The following SNX6 variants were observed in gnomAD, a reference collection of about 807,000 sequenced individuals.
SNX6 encodes the protein sorting nexin-6.
In SNX6, 34 loss-of-function variants were observed where a neutral mutation model predicts 63.0. That is an observed-to-expected ratio of 0.54 (90% confidence interval 0.41 to 0.72). SNX6 has a LOEUF of 0.72. SNX6 is among the 30% of genes least tolerant of loss of function. The pLI is 0.00. For missense variants in SNX6, 398 were observed against 471.4 expected (o/e 0.84, Z 1.44); for synonymous variants, 170 against 164.2 (o/e 1.04, Z -0.27).
At chr14:34,579,830 AAAAAAAAAAGAAAG>A (rs1434538584) in intron 10 of SNX6, among the ~76,000 whole-genome samples, 20 of 151,702 alleles carry the variant, frequency 1.3e-4, no homozygotes, top group Admixed American at 1.3e-3. Flanking sequence ...TCTACCAAAA[AAAAAAAAAAGAAAG>A]AAAAATAATA....
At chr14:34,626,249 T>A (rs913821603) in intron 2 of SNX6, among the ~76,000 whole-genome samples, 18 of 152,134 alleles carry the variant, frequency 1.2e-4, no homozygotes, top group African/African-American at 4.3e-4. Flanking sequence ...GCATTCTAAT[T>A]CAGGTTTTTT....
chr14:34,603,159 T>C (rs1882889931), intron 6 of SNX6, among the ~76,000 whole-genome samples, 189 bp downstream of exon 6: 1 of 150,950 alleles, frequency 6.6e-6, no homozygotes, highest in African/African-American at 2.4e-5. Context: ...GCGCCTGTAG[T>C]CCCAGCTACT....
intron 4 of SNX6, 27 bp downstream of exon 4, chr14:34,608,003 G>A (rs759872953): frequency 8.5e-6 from 10 of 1,178,214 alleles, no homozygotes; most frequent in Admixed American, 4.4e-5. Context: ...CTAGAAAATG[G>A]AATTAAAATG....
chr14:34,591,333 A>G (rs1188579861), intron 8 of SNX6, among the ~76,000 whole-genome samples: 1 of 152,190 alleles, frequency 6.6e-6, no homozygotes, highest in East Asian at 1.9e-4. Flanking sequence ...CATTGGTCCA[A>G]TGAATTATGC....
chr14:34,584,844 GTTTTTTC>G (rs1375523758), intron 9 of SNX6, among the ~76,000 whole-genome samples: 3 of 151,596 alleles, frequency 2.0e-5, no homozygotes, highest in Admixed American at 6.6e-5. Context: ...ATCAACCCAA[GTTTTTTC>G]TTTTTTCTTT....
At chr14:34,596,619 A>G (rs1882611209) in intron 7 of SNX6, among the ~76,000 whole-genome samples, 1 of 118,412 alleles carries the variant, frequency 8.4e-6, no homozygotes, top group African/African-American at 2.6e-5. Context: ...ACTCTATCTC[A>G]GGAAAAAAAA....
intron 2 of SNX6, among the ~76,000 whole-genome samples, chr14:34,613,867 G>C (rs1364985604): frequency 6.6e-6 from 1 of 151,924 alleles, no homozygotes; most frequent in Admixed American, 6.6e-5. Context: ...CCAGCACTCT[G>C]GGAGCCCGAG....
At chr14:34,588,032 G>C (rs1368961575) in intron 8 of SNX6, among the ~76,000 whole-genome samples, 1 of 147,616 alleles carries the variant, frequency 6.8e-6, no homozygotes, top group Non-Finnish European at 1.5e-5. Flanking sequence ...TTTTGAGACA[G>C]AGTCTCACTC....
chr14:34,578,425 AG>A (rs1881797002), intron 10 of SNX6, among the ~76,000 whole-genome samples: 1 of 151,760 alleles, frequency 6.6e-6, no homozygotes, highest in African/African-American at 2.4e-5. Flanking sequence ...TGAGGTCAGG[AG>A]TTCGAGGCCA....
At chr14:34,618,062 GTGGAT>G (rs1228742280) in intron 2 of SNX6, among the ~76,000 whole-genome samples, 9 of 152,176 alleles carry the variant, frequency 5.9e-5, no homozygotes, top group Non-Finnish European at 1.2e-4. Flanking sequence ...AGATGGATGA[GTGGAT>G]GGGATGGGGC....
chr14:34,622,004 G>A (rs993483004), intron 2 of SNX6, among the ~76,000 whole-genome samples: 1 of 132,556 alleles, frequency 7.5e-6, no homozygotes, highest in African/African-American at 2.9e-5. Flanking sequence ...TGTCGCCCAG[G>A]CTGGAGTGCA....
chr14:34,610,098 C>T (rs905740927), intron 2 of SNX6, among the ~76,000 whole-genome samples: 1 of 151,450 alleles, frequency 6.6e-6, no homozygotes, highest in Non-Finnish European at 1.5e-5. Flanking sequence ...AATCCCAGCA[C>T]TTTAGGAGGC....
Position 34,574,266 on chromosome 14 carries a change from G to A in SNX6, c.921+1490C>T, listed in dbSNP as rs550955955. On this transcript the variant is annotated intron_variant, in intron 11 of 13. Coordinates refer to ENST00000362031, the MANE Select transcript of SNX6 (RefSeq NM_152233.4). ...CAGGAGAATCACTTGAAGCCGGGAG[G>A]CGGAGGTTGCAGTGAGCTGCAATCA... is the stretch of plus-strand genomic sequence containing the variant. Among the ~76,000 whole-genome samples, 14 of 151,488 alleles carry A rather than the reference G, an allele frequency of 9.2e-5. No individual in the cohort carries two copies. The East Asian group carries it at 2.5e-3, about 28-fold the overall frequency.
Position 34,590,541 on chromosome 14 carries a change from T to C in SNX6, c.718+2504A>G, listed in dbSNP as rs531898505. On this transcript the variant is annotated intron_variant, in intron 8 of 13. Transcript: ENST00000362031. ...CTAAACCACACTGAGTTACCACCAC[T>C]GACCTACTTGAATAAAGTTAAAAAG... is the stretch of plus-strand genomic sequence containing the variant. Among the ~76,000 whole-genome samples, 112 of 151,966 alleles carry C rather than the reference T, an allele frequency of 7.4e-4. 1 individual carries two copies. The highest frequency in any genetic ancestry group is 2.4e-3 in the African/African-American group (101 of 41,432).
intron 2 of SNX6, among the ~76,000 whole-genome samples, chr14:34,626,229 T>C (rs1349102835): frequency 1.3e-5 from 2 of 152,206 alleles, no homozygotes; most frequent in African/African-American, 4.8e-5. Context: ...TCCATCCTGA[T>C]GTTCTAAAAG....
In SNX6 at chr14:34,586,262, A is replaced by G. The variant is rs1349903020; in HGVS notation, c.762T>C (p.Ala254=). Residue 254 remains alanine, a synonymous_variant, in exon 9 of 14, where the codon GCT becomes GCC. Transcript: ENST00000362031. The part of the protein sequence containing the change: ...DYNRIGSSLY[A]LGTQDSTDIC... ...TATCTGTAGAATCCTGAGTTCCTAA[A>G]GCATATAATGAAGAACCAATTCTAT... The G allele has an allele frequency of 4.3e-6, 7 of 1,609,478 alleles. No individual in the cohort carries two copies. Among genetic ancestry groups the G allele is most frequent in the Middle Eastern group, 1.6e-4 (1 of 6,066 alleles).
At chr14:34,565,004 C>T (rs373503098) in intron 13 of SNX6, among the ~76,000 whole-genome samples, 3 of 151,560 alleles carry the variant, frequency 2.0e-5, no homozygotes, top group African/African-American at 7.3e-5. Context: ...AACTTGGCTG[C>T]GTTCCAATAA....
intron 11 of SNX6, 101 bp from the exon 12 acceptor site, chr14:34,568,114 C>A: frequency 3.2e-6 from 3 of 927,664 alleles, no homozygotes; most frequent in African/African-American, 1.7e-5. Context: ...AGAGCTAACA[C>A]ATAGTGAATA....
At position 34,563,059 on chromosome 14, in the gene SNX6, T is replaced by C; in HGVS notation, c.*63A>G. 2.0e-6 allele frequency: 3 copies of C among 1,527,004 alleles called. No individual in the cohort carries two copies. The highest frequency in any genetic ancestry group is 1.2e-5 in the South Asian group (1 of 86,616). 94.6% of individuals were successfully genotyped at this position (1,527,004 alleles called of 1,614,324 possible). ...AGTGAGCATAAATGCTTAACATCAT[T>C]AAGAAAACAAAAATAAAATTTGAAG... On this transcript the variant is annotated 3_prime_UTR_variant, in exon 14 of 14. Transcript: ENST00000362031.
Sources: allele counts gnomAD v4.1 joint callset (sites outside exome capture counted in the v4.1 genomes callset), GRCh38; gene constraint gnomAD v4.1.1; transcripts MANE v1.5; gene names NCBI Gene and HGNC (gene_info 2026-07-23, HGNC 2026-07-21).